Variants in PRUNE2 observed in about 807,000 individuals in gnomAD.
The protein encoded by PRUNE2 is prune homolog 2 with BCH domain.
A neutral mutation model predicts 252.0 loss-of-function variants in PRUNE2; 164 were observed. The observed-to-expected ratio is 0.65, with a 90% confidence interval of 0.57 to 0.74. The LOEUF (loss-of-function observed/expected upper bound fraction) is 0.74, where lower values mean the gene tolerates loss of function less well. Among genes scored for constraint, PRUNE2 ranks in the 30% least tolerant of loss-of-function variants. The pLI, the probability that PRUNE2 is intolerant of heterozygous loss-of-function variation, is 0.00. For missense variants in PRUNE2, 3,495 were observed against 3,711.0 expected, an observed-to-expected ratio of 0.94 and a Z score of 1.51; for synonymous variants, 1,292 against 1,350.2, an observed-to-expected ratio of 0.96 and a Z score of 0.94.
intron 11 of PRUNE2, among the ~76,000 whole-genome samples, chr9:76,650,222 TATA>T: frequency 6.6e-6 from 1 of 150,696 alleles, no homozygotes; most frequent in Non-Finnish European, 1.5e-5. Flanking sequence ...AATTATATAA[TATA>T]ATGAGGTATA....
chr9:76,642,001 T>TAAA lies in PRUNE2; in HGVS notation c.8728+2735_8728+2737dup, dbSNP rs369258212. ...ATCTCCTATAATGAAATAAGAGAAG[T>TAAA]AAAAAAAAAAAAAAAAGAAAAGAAA... is the stretch of plus-strand genomic sequence containing the variant. On this transcript the variant is annotated intron_variant, in intron 12 of 18. Coordinates refer to ENST00000376718, the MANE Select transcript of PRUNE2 (RefSeq NM_015225.3). 4.8e-3 allele frequency: 4,853 copies of TAAA among 1,010,530 alleles called. 160 individuals are homozygous for TAAA. In the African/African-American group the frequency reaches 0.088, roughly 18 times the overall value. The allele number at this position is 1,010,530 out of a possible 1,614,324, so 62.6% of individuals were successfully genotyped here.
At chr9:76,749,308 G>A (rs1326212488) in intron 6 of PRUNE2, among the ~76,000 whole-genome samples, 1 of 152,192 alleles carries the variant, frequency 6.6e-6, no homozygotes, top group Non-Finnish European at 1.5e-5. Context: ...AAGGGTCCTG[G>A]AGAAAGTCAG....
At chr9:76,726,406 T>C (rs1243978615) in intron 6 of PRUNE2, among the ~76,000 whole-genome samples, 1 of 152,162 alleles carries the variant, frequency 6.6e-6, no homozygotes, top group Non-Finnish European at 1.5e-5. Context: ...CACACGCACA[T>C]ACATTCTAAC....
intron 4 of PRUNE2, among the ~76,000 whole-genome samples, chr9:76,837,555 C>T (rs1349834156): frequency 2.0e-5 from 3 of 151,402 alleles, no homozygotes; most frequent in Admixed American, 1.3e-4. Context: ...GTATATGCCC[C>T]CACTGCATGT....
intron 9 of PRUNE2, among the ~76,000 whole-genome samples, chr9:76,656,562 T>C (rs1318074831): frequency 6.6e-6 from 1 of 152,174 alleles, no homozygotes; most frequent in Non-Finnish European, 1.5e-5. Flanking sequence ...AATAAAGCAC[T>C]ATGATGAAAG....
intron 4 of PRUNE2, among the ~76,000 whole-genome samples, chr9:76,836,933 G>C (rs142054846): frequency 1.3e-5 from 2 of 152,050 alleles, no homozygotes; most frequent in African/African-American, 2.4e-5. Flanking sequence ...AACGACATCC[G>C]TAATAATCAA....
chr9:76,621,506 C>T (rs1832309832), intron 17 of PRUNE2, among the ~76,000 whole-genome samples: 1 of 152,084 alleles, frequency 6.6e-6, no homozygotes, highest in Non-Finnish European at 1.5e-5. Flanking sequence ...ATCAAAAGAT[C>T]CTAGAGGGAG....
Position 76,614,570 on chromosome 9 carries a change from C to G in PRUNE2, c.9267G>C (p.Ter3089TyrextTer43). The G allele has an allele frequency of 6.2e-7, 1 of 1,612,334 alleles. No individual in the cohort carries two copies. The highest frequency in any genetic ancestry group is 8.5e-7 in the Non-Finnish European group (1 of 1,178,842). ...CATCCTCTTCTTCCAGCATGGCCAACTAAGGCTTTTCTTTCAGCTTCAAGT... is the reference window on the plus strand; with the variant it reads ...CATCCTCTTCTTCCAGCATGGCCAAGTAAGGCTTTTCTTTCAGCTTCAAGT... ...DIDLKLKEKP[*>Y] Residue 3089 changes from the stop codon to tyrosine, a stop_lost, in exon 19 of 19, where the codon TAG (stop) becomes TAC (tyrosine). Coordinates refer to ENST00000376718, the MANE Select transcript of PRUNE2 (RefSeq NM_015225.3).
chr9:76,727,377 A>T (rs574600143), intron 6 of PRUNE2, among the ~76,000 whole-genome samples: 1 of 152,342 alleles, frequency 6.6e-6, no homozygotes, highest in South Asian at 2.1e-4. Context: ...AAAGTAAATC[A>T]GGGATGGGGA....
intron 2 of PRUNE2, among the ~76,000 whole-genome samples, chr9:76,852,771 T>A (rs1160464670): frequency 1.3e-5 from 2 of 152,180 alleles, no homozygotes; most frequent in Admixed American, 1.3e-4. Context: ...AGAATCCACA[T>A]GTCTTTTTAT....
chr9:76,627,568 T>C (rs1481762563), intron 16 of PRUNE2, among the ~76,000 whole-genome samples: 2 of 152,166 alleles, frequency 1.3e-5, no homozygotes, highest in Non-Finnish European at 2.9e-5. Flanking sequence ...AACACTCCGT[T>C]TGATTCAGCT....
intron 6 of PRUNE2, among the ~76,000 whole-genome samples, chr9:76,742,944 C>T (rs1360401556): frequency 1.3e-5 from 2 of 152,136 alleles, no homozygotes; most frequent in African/African-American, 4.8e-5. Flanking sequence ...ATTGTAGTTC[C>T]CATAATCCCC....
intron 16 of PRUNE2, among the ~76,000 whole-genome samples, chr9:76,627,102 T>G (rs1051520852): frequency 8.6e-6 from 1 of 116,364 alleles, no homozygotes; most frequent in Non-Finnish European, 2.2e-5. Context: ...CATCTTTTTT[T>G]TTTCTTCTTC....
In PRUNE2 at chr9:76,705,471, T is replaced by C. The variant is rs2046245709; in HGVS notation, c.6803A>G (p.Asp2268Gly). 1.9e-6 allele frequency: 3 copies of C among 1,613,834 alleles called. No homozygotes were observed. Among genetic ancestry groups the C allele is most frequent in the Non-Finnish European group, 1.7e-6 (2 of 1,179,854 alleles). ...CTCTGTGGATAAATGTGGATCACCA[T>C]CAAACAAAGCTCTTGCACCAGGCTG... ...ESQPGARALF[D>G]GDPHLSTENP... is the part of the protein sequence containing the mutation. Residue 2268 changes from aspartate to glycine, a missense_variant, in exon 8 of 19, where the codon GAT (aspartate) becomes GGT (glycine). Coordinates refer to ENST00000376718, the MANE Select transcript of PRUNE2 (RefSeq NM_015225.3).
chr9:76,707,291 G>A lies in PRUNE2; in HGVS notation c.4983C>T (p.Tyr1661=), dbSNP rs759825870. 19 of 1,613,744 alleles carry A rather than the reference G, an allele frequency of 1.2e-5. No homozygotes were observed. The African/African-American group carries it at 2.4e-4, about 20-fold the overall frequency. Residue 1661 remains tyrosine, a synonymous_variant, in exon 8 of 19, where the codon TAC becomes TAT. Transcript: ENST00000376718. Reference sequence around the variant, plus strand: ...AAATGTCATGTTCATTTTTCTCCTGGTAGCTAGCAATTAGATTGCTTTCCT... The same window carrying A: ...AAATGTCATGTTCATTTTTCTCCTGATAGCTAGCAATTAGATTGCTTTCCT... ...THQESNLIAS[Y]QEKNEHDISA... is the part of the protein sequence containing the mutation.
intron 9 of PRUNE2, among the ~76,000 whole-genome samples, chr9:76,678,095 C>T (rs912747034): frequency 1.3e-5 from 2 of 152,068 alleles, no homozygotes; most frequent in African/African-American, 4.8e-5. Context: ...ATTGGCCGGG[C>T]TTGGGGGCTC....
intron 6 of PRUNE2, among the ~76,000 whole-genome samples, chr9:76,727,222 G>A (rs537864655): frequency 4.3e-4 from 66 of 152,246 alleles, no homozygotes; most frequent in African/African-American, 1.6e-3. Context: ...CCCCAGTTAA[G>A]AACCACTGCT....
At chr9:76,662,192 G>C (rs1478475632) in intron 9 of PRUNE2, among the ~76,000 whole-genome samples, 1 of 152,164 alleles carries the variant, frequency 6.6e-6, no homozygotes, top group Non-Finnish European at 1.5e-5. Context: ...GTTATAAAAA[G>C]AAACATGCTC....
chr9:76,865,646 G>T (rs10118897), intron 1 of PRUNE2, among the ~76,000 whole-genome samples: 1 of 152,118 alleles, frequency 6.6e-6, no homozygotes, highest in South Asian at 2.1e-4. Context: ...TAACTTTCTT[G>T]TAATGTCTTT....
Sources: allele counts gnomAD v4.1 joint callset (sites outside exome capture counted in the v4.1 genomes callset), GRCh38; gene constraint gnomAD v4.1.1; transcripts MANE v1.5; gene names NCBI Gene and HGNC (gene_info 2026-07-23, HGNC 2026-07-21).